Variants in ANK3 observed in about 807,000 individuals in gnomAD.
ANK3 encodes ankyrin 3.
A neutral mutation model predicts 370.9 loss-of-function variants in ANK3; 57 were observed. That is an observed-to-expected ratio of 0.15 (90% CI 0.12 to 0.19). The LOEUF (loss-of-function observed/expected upper bound fraction) is 0.19, where lower values mean the gene tolerates loss of function less well. Among genes scored for constraint, ANK3 ranks in the 10% least tolerant of loss-of-function variants. The pLI is 1.00. For synonymous variants in ANK3, 1,929 were observed against 1,946.3 expected, an observed-to-expected ratio of 0.99 and a Z score of 0.23; for missense variants, 4,439 against 5,302.1, an observed-to-expected ratio of 0.84 and a Z score of 5.06.
At chr10:60,389,880 T>G (rs1210210140), upstream of ANK3, 1 of 1,050,196 alleles carries the variant, frequency 9.5e-7, no homozygotes, top group African/African-American at 1.7e-5. Context: ...TCTAAGTGAT[T>G]CCTCGGAAGG....
intron 2 of ANK3, among the ~76,000 whole-genome samples, chr10:60,597,939 C>CT (rs2078010726): frequency 6.6e-6 from 1 of 152,038 alleles, no homozygotes; most frequent in South Asian, 2.1e-4. Context: ...AGCTTGGTTC[C>CT]TTTTTCTGAA....
At chr10:60,331,936 T>A (rs946040310) in intron 1 of ANK3, among the ~76,000 whole-genome samples, 1 of 151,820 alleles carries the variant, frequency 6.6e-6, no homozygotes, top group Non-Finnish European at 1.5e-5. Context: ...GATTCTTTTC[T>A]CCCTTTAATT....
At chr10:60,732,932 C>G (rs375114444) in intron 1 of ANK3, among the ~76,000 whole-genome samples, 3 of 151,928 alleles carry the variant, frequency 2.0e-5, no homozygotes, top group African/African-American at 7.2e-5. Context: ...GTCCTGAGCC[C>G]GGGGCCCGCT....
chr10:60,377,894 T>C (rs2061010900), intron 1 of ANK3, among the ~76,000 whole-genome samples: 1 of 152,212 alleles, frequency 6.6e-6, no homozygotes, highest in Non-Finnish European at 1.5e-5. Context: ...GAGACAACAA[T>C]GTTTGACACC....
chr10:60,189,708 C>T (rs2132378032), intron 16 of ANK3, among the ~76,000 whole-genome samples: 1 of 152,154 alleles, frequency 6.6e-6, no homozygotes, highest in Non-Finnish European at 1.5e-5. Context: ...AAAAATTCAA[C>T]AGGGAGTGAT....
intron 2 of ANK3, among the ~76,000 whole-genome samples, chr10:60,473,573 C>T (rs2065267361): frequency 6.6e-6 from 1 of 152,008 alleles, no homozygotes; most frequent in South Asian, 2.1e-4. Context: ...TGAAGGACCC[C>T]TTAAGAAAAG....
chr10:60,160,587 GACACACAC>G (rs546939630), intron 23 of ANK3, among the ~76,000 whole-genome samples: 72 of 151,890 alleles, frequency 4.7e-4, no homozygotes, highest in African/African-American at 1.7e-3. Flanking sequence ...ACCAGACAAA[GACACACAC>G]ACACAAAAGG....
intron 25 of ANK3, among the ~76,000 whole-genome samples, chr10:60,130,741 T>A (rs1271425619): frequency 6.6e-6 from 1 of 152,210 alleles, no homozygotes; most frequent in Non-Finnish European, 1.5e-5. Context: ...TGCCAGCTTC[T>A]TCTTTGAGCA....
At position 60,085,300 on chromosome 10, in the gene ANK3, C is replaced by T. The variant is rs2086379627; in HGVS notation, c.3749-47G>A. On this transcript the variant is annotated intron_variant, in intron 30 of 43. Transcript: ENST00000280772. ...TGTTGACTTTATCATGGGAGATGCT[C>T]CTTGTAAAATTTTCATCAGATCCTG... 4 of 1,466,344 alleles carry T rather than the reference C, an allele frequency of 2.7e-6. No homozygotes were observed. The East Asian group carries it at 6.9e-5, about 25-fold the overall frequency. 90.8% of individuals were successfully genotyped at this position (1,466,344 alleles called of 1,614,324 possible). A position where few individuals can be genotyped will look rare whatever the true frequency, so the allele number is the denominator to read the frequency against.
intron 1 of ANK3, among the ~76,000 whole-genome samples, chr10:60,374,405 A>G (rs555324322): frequency 6.6e-6 from 1 of 152,266 alleles, no homozygotes; most frequent in South Asian, 2.1e-4. Context: ...GCATTTCAGG[A>G]AGAGGGTGAG....
rs141364992 is a variant in ANK3, at chr10:60,444,717, A to G, written c.97-165078T>C. On this transcript the variant is annotated intron_variant, in intron 2 of 43. Transcript: ENST00000373827. ...TTTTTTCTTTTTAAGCAAGTTCTTAAATTGCTAAGAAAACATTCCTTTTTT... is the reference window on the plus strand; with the variant it reads ...TTTTTTCTTTTTAAGCAAGTTCTTAGATTGCTAAGAAAACATTCCTTTTTT... 2.6e-3 allele frequency among the ~76,000 whole-genome samples: 395 copies of G among 152,196 alleles called. 1 individual carries two copies. The highest frequency in any genetic ancestry group is 9.2e-3 in the African/African-American group (380 of 41,522).
At chr10:60,587,883 A>T (rs1230504867) in intron 2 of ANK3, among the ~76,000 whole-genome samples, 1 of 152,106 alleles carries the variant, frequency 6.6e-6, no homozygotes, top group East Asian at 1.9e-4. Context: ...GTTAAGAAAG[A>T]ATGACAGTTT....
chr10:60,074,950 T>C lies in ANK3; in HGVS notation c.5931A>G (p.Pro1977=), dbSNP rs150783063. The C allele has an allele frequency of 2.0e-4, 327 of 1,614,002 alleles. 1 individual carries two copies. Among genetic ancestry groups the C allele is most frequent in the Non-Finnish European group, 2.7e-4 (315 of 1,180,004 alleles). Residue 1977 remains proline (P), a synonymous_variant, in exon 37 of 44, where the codon CCA becomes CCG. Transcript: ENST00000280772. ...CVDNKGSPKS[P]KSDKGHSPED... ...CAGGAGAGTGTCCTTTGTCACTCTT[T>C]GGTGATTTGGGTGATCCTTTATTAT...
At chr10:60,475,005 C>T (rs2075022304) in intron 2 of ANK3, among the ~76,000 whole-genome samples, 1 of 152,016 alleles carries the variant, frequency 6.6e-6, no homozygotes, top group South Asian at 2.1e-4. Context: ...ATCTTGTTAA[C>T]CCCAAACCTT....
At chr10:60,076,763 G>GA (rs1335751012) in intron 36 of ANK3, among the ~76,000 whole-genome samples, 2 of 152,086 alleles carry the variant, frequency 1.3e-5, no homozygotes, top group African/African-American at 4.8e-5. Context: ...AAGAATTAAT[G>GA]ATGAGAAAAA....
rs1041927360 is a variant in ANK3, at chr10:60,680,771, G to A, written c.57+52492C>T. Among the ~76,000 whole-genome samples, 3 of 152,138 alleles carry A rather than the reference G, an allele frequency of 2.0e-5. 1 individual carries two copies. Among genetic ancestry groups the A allele is most frequent in the Admixed American group, 2.0e-4 (3 of 15,274 alleles). On this transcript the variant is annotated intron_variant, in intron 1 of 43. Coordinates refer to the ANK3 transcript ENST00000373827. ...CAGGGTGCAGTGGTTAAGAACCTGG[G>A]TCTTGGACCAGTCTGCCTGGTTTGA...
intron 10 of ANK3, 120 bp downstream of exon 10, chr10:60,207,916 A>C: frequency 1.1e-6 from 1 of 889,162 alleles, no homozygotes; most frequent in South Asian, 1.7e-5. Context: ...AAAATTGACA[A>C]GAAGTACACT....
chr10:60,498,078 GT>G (rs916548651), intron 2 of ANK3, among the ~76,000 whole-genome samples: 21 of 152,116 alleles, frequency 1.4e-4, no homozygotes, highest in Non-Finnish European at 2.8e-4. Flanking sequence ...CTCATACAAG[GT>G]TTTTTCTAAA....
rs147532450 is a variant in ANK3 at position 60,501,571 on chromosome 10, G to T, written c.96+113615C>A. ...AATACAAAAATTAGCTGGGCGTGGT[G>T]GTGCACACCTGTAATGCCAGCTAGC... On this transcript the variant is annotated intron_variant, in intron 2 of 43. Transcript: ENST00000373827. Among the ~76,000 whole-genome samples, 692 of 151,954 alleles carry T rather than the reference G, an allele frequency of 4.6e-3. 20 individuals carry two copies. The highest frequency in any genetic ancestry group is 0.036 in the Admixed American group (556 of 15,254).
Sources: allele counts gnomAD v4.1 joint callset (sites outside exome capture counted in the v4.1 genomes callset), GRCh38; gene constraint gnomAD v4.1.1; transcripts MANE v1.5; gene names NCBI Gene and HGNC (gene_info 2026-07-23, HGNC 2026-07-21).